SLIT3: variants seen among roughly 807,000 people sequenced by gnomAD.
The protein encoded by SLIT3 is slit homolog 3 protein.
A neutral mutation model predicts 184.0 loss-of-function variants in SLIT3; 68 were observed. That is an observed-to-expected ratio of 0.37 (90% CI 0.30 to 0.45). SLIT3 has a LOEUF of 0.45. SLIT3 is among the 20% of genes least tolerant of loss of function. The probability of loss-of-function intolerance (pLI) is 1.00; values close to 1 mark genes in which losing one functional copy is unlikely to be tolerated. For missense variants in SLIT3, 1,707 were observed against 2,026.0 expected, an observed-to-expected ratio of 0.84 and a Z score of 3.02; for synonymous variants, 831 against 828.6, an observed-to-expected ratio of 1.00 and a Z score of -0.05.
At chr5:169,135,430 A>G (rs1160360099) in intron 4 of SLIT3, among the ~76,000 whole-genome samples, 1 of 151,734 alleles carries the variant, frequency 6.6e-6, no homozygotes, top group African/African-American at 2.4e-5. Flanking sequence ...TTTTTTTTTA[A>G]TCCATGAGTT....
At chr5:168,969,067 C>A (rs564551233) in intron 4 of SLIT3, among the ~76,000 whole-genome samples, 1 of 152,080 alleles carries the variant, frequency 6.6e-6, no homozygotes, top group Non-Finnish European at 1.5e-5. Flanking sequence ...GCAAGATACA[C>A]CAAACTTGAA....
chr5:168,746,744 TG>T (rs1170353310), intron 20 of SLIT3, among the ~76,000 whole-genome samples: 2 of 80,754 alleles, frequency 2.5e-5, no homozygotes, highest in Non-Finnish European at 2.5e-5. Context: ...TGGTGTGCGG[TG>T]GTGTGGGTGT....
In SLIT3 at chr5:168,700,636, G is replaced by A; in HGVS notation, c.2888C>T (p.Pro963Leu). The A allele has an allele frequency of 6.2e-7, 1 of 1,614,162 alleles. No homozygotes were observed. The change falls in exon 27 of 36, where the codon CCC (proline) becomes CTC (leucine). Residue 963 changes from proline (P) to leucine (L), a missense_variant. This residue lies in a region of SLIT3 where 1,307 missense variants were observed against 1,511.6 expected (regional missense o/e 0.86). Coordinates refer to ENST00000519560, the MANE Select transcript of SLIT3 (RefSeq NM_003062.4). ...GTGGCAGGTGCCTCCATGCTGACAG[G>A]GGTTCTGGATGCAGGTGTTGATGGG... is the stretch of plus-strand genomic sequence containing the variant. Reference protein sequence around the residue: ...TVPINTCIQNPCQHGGTCHLS... With the variant: ...TVPINTCIQNLCQHGGTCHLS...
At chr5:168,708,178 GC>G in intron 25 of SLIT3, 78 bp from the exon 26 acceptor site, 1 of 1,599,950 alleles carries the variant, frequency 6.3e-7, no homozygotes, top group Non-Finnish European at 8.5e-7. Context: ...TCTGCTCTGG[GC>G]CCTCCCTCAG....
intron 2 of SLIT3, among the ~76,000 whole-genome samples, chr5:169,245,967 T>A (rs1478282279): frequency 1.3e-5 from 2 of 152,026 alleles, no homozygotes; most frequent in Non-Finnish European, 2.9e-5. Context: ...ACTTCATAAA[T>A]CCTTACTGAA....
At chr5:169,291,699 T>C (rs75604943) in intron 1 of SLIT3, among the ~76,000 whole-genome samples, 3 of 152,358 alleles carry the variant, frequency 2.0e-5, no homozygotes, top group East Asian at 3.9e-4. Flanking sequence ...GAACTCATCA[T>C]GTTTGTCTTC....
intron 4 of SLIT3, among the ~76,000 whole-genome samples, chr5:169,133,140 T>C (rs1761366747): frequency 1.3e-5 from 2 of 152,216 alleles, no homozygotes; most frequent in Admixed American, 1.3e-4. Context: ...CTTTTCCTTC[T>C]TTTATCCAAG....
chr5:168,702,453 C>A (rs1014904081), intron 26 of SLIT3, among the ~76,000 whole-genome samples: 1 of 152,108 alleles, frequency 6.6e-6, no homozygotes, highest in Non-Finnish European at 1.5e-5. Context: ...CTATGCAGGA[C>A]CACTTGGCTA....
intron 5 of SLIT3, among the ~76,000 whole-genome samples, chr5:168,864,832 T>C (rs558177782): frequency 4.6e-4 from 70 of 152,340 alleles, no homozygotes; most frequent in African/African-American, 1.6e-3. Flanking sequence ...TACTCTGGTA[T>C]TTGCCATCAT....
chr5:168,983,301 G>C (rs1755013697), intron 4 of SLIT3, among the ~76,000 whole-genome samples: 1 of 152,188 alleles, frequency 6.6e-6, no homozygotes. Flanking sequence ...AACTCCCCAA[G>C]ATCACCTAAA....
In SLIT3 at chr5:168,783,001, A is replaced by G. The variant is rs116729187; in HGVS notation, c.1151+2906T>C. On this transcript the variant is annotated intron_variant, in intron 12 of 35. Coordinates refer to ENST00000519560, the MANE Select transcript of SLIT3 (RefSeq NM_003062.4). Reference sequence around the variant, plus strand: ...AACCATTACGATGTTTAGTATAAGAAAGAGCTTTCTAACCTTCCAACTAGG... The same window carrying G: ...AACCATTACGATGTTTAGTATAAGAGAGAGCTTTCTAACCTTCCAACTAGG... Among the ~76,000 whole-genome samples the G allele has an allele frequency of 3.5e-3, 530 of 152,344 alleles. 2 individuals carry two copies. Among genetic ancestry groups the G allele is most frequent in the Non-Finnish European group, 5.7e-3 (388 of 68,026 alleles).
intron 4 of SLIT3, among the ~76,000 whole-genome samples, chr5:168,972,452 C>G (rs1490571134): frequency 6.7e-6 from 1 of 149,956 alleles, no homozygotes; most frequent in Non-Finnish European, 1.5e-5. Context: ...GGACCCTTTT[C>G]CTAGGATTGC....
intron 5 of SLIT3, among the ~76,000 whole-genome samples, chr5:168,875,563 G>A (rs6879514): frequency 0.18 from 27,910 of 151,852 alleles, 2,872 homozygotes; most frequent in South Asian, 0.26. Flanking sequence ...GAACCCAGGA[G>A]GCGGAGGTTG....
intron 3 of SLIT3, among the ~76,000 whole-genome samples, chr5:169,207,370 T>TACAC (rs56721949): frequency 0.015 from 1,935 of 131,810 alleles, 27 homozygotes; most frequent in African/African-American, 0.035. Context: ...TACACATACA[T>TACAC]ACACACACAC....
At chr5:169,056,901 A>G (rs954050171) in intron 4 of SLIT3, among the ~76,000 whole-genome samples, 1 of 152,138 alleles carries the variant, frequency 6.6e-6, no homozygotes, top group Non-Finnish European at 1.5e-5. Context: ...TGCCCCCCAC[A>G]AGCTGTGTGA....
intron 4 of SLIT3, among the ~76,000 whole-genome samples, chr5:169,043,456 C>T (rs567732703): frequency 2.6e-5 from 4 of 152,258 alleles, no homozygotes; most frequent in African/African-American, 9.6e-5. Flanking sequence ...AATTATAAGT[C>T]TTAACCCCAC....
At chr5:168,948,912 C>G (rs900169265) in intron 4 of SLIT3, among the ~76,000 whole-genome samples, 22 of 152,160 alleles carry the variant, frequency 1.4e-4, no homozygotes, top group Admixed American at 1.3e-3. Context: ...TCTGCTGAGT[C>G]AACTTTGGGT....
chr5:168,864,269 C>T (rs1274790445), intron 5 of SLIT3, among the ~76,000 whole-genome samples: 5 of 152,114 alleles, frequency 3.3e-5, no homozygotes, highest in Admixed American at 3.3e-4. Flanking sequence ...ACTGTACAGA[C>T]CATCTGCACC....
intron 4 of SLIT3, among the ~76,000 whole-genome samples, chr5:169,066,710 T>C (rs1419358837): frequency 6.6e-6 from 1 of 152,136 alleles, no homozygotes; most frequent in East Asian, 1.9e-4. Flanking sequence ...ATCATCATGG[T>C]ATACTCAAAT....
Sources: gnomAD v4.1 joint callset for allele counts (sites outside exome capture counted in the v4.1 genomes callset) on GRCh38, gnomAD v4.1.1 for gene constraint, gnomAD v4.1.1 regional missense constraint, MANE v1.5 for transcripts, NCBI Gene and HGNC (gene_info 2026-07-23, HGNC 2026-07-21) for gene names.